Variants in DENND11 observed in about 807,000 individuals in gnomAD.
DENND11 encodes the protein DENN domain containing 11, also known as DENN domain-containing protein 11.
Under a neutral mutation model 49.2 loss-of-function variants are expected in DENND11, and 34 were observed. That is an observed-to-expected ratio of 0.69 (90% CI 0.53 to 0.92). DENND11 has a LOEUF of 0.92. Among genes scored for constraint, DENND11 ranks in the 40% least tolerant of loss-of-function variants. The pLI is 0.00. For synonymous variants in DENND11, 238 were observed against 230.3 expected, an observed-to-expected ratio of 1.03 and a Z score of -0.30; for missense variants, 475 against 581.6, an observed-to-expected ratio of 0.82 and a Z score of 1.88.
chr7:141,697,284 CCCT>C (rs1402464618), intron 1 of DENND11, among the ~76,000 whole-genome samples: 1 of 152,072 alleles, frequency 6.6e-6, no homozygotes, highest in Non-Finnish European at 1.5e-5. Flanking sequence ...TTTTATTTTC[CCCT>C]CCTCAATTTT....
At chr7:141,696,170 T>TC (rs1314289165) in intron 1 of DENND11, among the ~76,000 whole-genome samples, 2 of 152,180 alleles carry the variant, frequency 1.3e-5, no homozygotes, top group Non-Finnish European at 2.9e-5. Context: ...GCCTGACAGC[T>TC]CTGTGCACCA....
At chr7:141,696,335 C>T (rs1007204829) in intron 1 of DENND11, among the ~76,000 whole-genome samples, 1 of 152,198 alleles carries the variant, frequency 6.6e-6, no homozygotes, top group African/African-American at 2.4e-5. Context: ...TCACTATTTC[C>T]TAGGGAGATT....
rs1416680883 is a variant in DENND11 at position 141,674,153 on chromosome 7, G to A, written c.595C>T (p.Leu199Phe). The A allele has an allele frequency of 1.3e-6, 2 of 1,575,204 alleles. No individual in the cohort carries two copies. Among genetic ancestry groups the A allele is most frequent in the African/African-American group, 2.7e-5 (2 of 73,786 alleles). Residue 199 changes from leucine (L) to phenylalanine (F), a missense_variant, in exon 4 of 9, where the codon CTC becomes TTC. Physicochemically the swap from Leu to Phe is conservative, Grantham distance 22. Coordinates refer to ENST00000536163, the MANE Select transcript of DENND11 (RefSeq NM_001080392.2). ...AAFYEDKKGV[L>F]HAGPGRGSSL... is the part of the protein sequence containing the mutation. ...CTGCCTCTGCCGGGACCAGCATGGA[G>A]CACCCCCTTTTTGTCCTCATAGAAG...
At position 141,657,757 on chromosome 7, in the gene DENND11, C is replaced by T. The variant is rs781511672; in HGVS notation, c.*4899G>A. On this transcript the variant is annotated 3_prime_UTR_variant, in exon 9 of 9. Coordinates refer to ENST00000536163, the MANE Select transcript of DENND11 (RefSeq NM_001080392.2). ...AAAAAGAGGAAAGCAAGGCTTTTGT[C>T]TCCATCATCATTTCTTTATATAGCA... 5 of 152,562 alleles carry T rather than the reference C, an allele frequency of 3.3e-5. No homozygotes were observed. Among genetic ancestry groups the T allele is most frequent in the Non-Finnish European group, 5.9e-5 (4 of 68,028 alleles). 9.5% of individuals were successfully genotyped at this position (152,562 alleles called of 1,614,324 possible). A position where few individuals can be genotyped will look rare whatever the true frequency, so the allele number is the denominator to read the frequency against.
intron 4 of DENND11, 31 bp downstream of exon 4, chr7:141,674,036 T>C (rs1288323967): frequency 6.3e-7 from 1 of 1,594,282 alleles, no homozygotes; most frequent in Middle Eastern, 1.7e-4. Flanking sequence ...ACAGATCCAG[T>C]ATAGTGTAAG....
intron 2 of DENND11, among the ~76,000 whole-genome samples, chr7:141,685,898 C>T (rs1263879439): frequency 6.6e-6 from 1 of 152,200 alleles, no homozygotes; most frequent in Non-Finnish European, 1.5e-5. Flanking sequence ...CATCTCTTCT[C>T]TCCTGCACCA....
rs1383067168 is a variant in DENND11, at chr7:141,661,573, T to A, written c.*1083A>T. 1 of 152,190 alleles carries A rather than the reference T, an allele frequency of 6.6e-6. No homozygotes were observed. Among genetic ancestry groups the A allele is most frequent in the African/African-American group, 2.4e-5 (1 of 41,440 alleles). 9.4% of individuals were successfully genotyped at this position (152,190 alleles called of 1,614,324 possible). A position where few individuals can be genotyped will look rare whatever the true frequency, so the allele number is the denominator to read the frequency against. Reference sequence around the variant, plus strand: ...GAATGTCACCTCTGCTAAAGAGAAGTGTGTTTGTGAGGGGTCCAAAATGAT... The same window carrying A: ...GAATGTCACCTCTGCTAAAGAGAAGAGTGTTTGTGAGGGGTCCAAAATGAT... On this transcript the variant is annotated 3_prime_UTR_variant, in exon 9 of 9. Transcript: ENST00000536163.
At chr7:141,676,708 CA>C (rs1798064433) in intron 3 of DENND11, among the ~76,000 whole-genome samples, 1 of 152,074 alleles carries the variant, frequency 6.6e-6, no homozygotes, top group African/African-American at 2.4e-5. Flanking sequence ...CAAGAAAAAC[CA>C]AAAAGTACTG....
intron 3 of DENND11, among the ~76,000 whole-genome samples, chr7:141,676,042 G>T (rs1235049284): frequency 1.3e-5 from 2 of 152,204 alleles, no homozygotes; most frequent in Non-Finnish European, 2.9e-5. Context: ...GAAGATGGCA[G>T]ATTTCAGATA....
chr7:141,664,417 G>A (rs1797854128), intron 7 of DENND11, among the ~76,000 whole-genome samples, 177 bp from the exon 8 acceptor site: 3 of 152,096 alleles, frequency 2.0e-5, no homozygotes, highest in South Asian at 2.1e-4. Context: ...TTCTGCCCCT[G>A]GTAATCTTAG....
rs144852279 is a variant in DENND11 at position 141,685,579 on chromosome 7, C to G, written c.426G>C (p.Glu142Asp). The G allele has an allele frequency of 6.2e-7, 1 of 1,613,998 alleles. No homozygotes were observed. Among genetic ancestry groups the G allele is most frequent in the Non-Finnish European group, 8.5e-7 (1 of 1,179,900 alleles). Residue 142 changes from glutamate (E) to aspartate (D), a missense_variant, in exon 3 of 9, where the codon GAG (glutamate) becomes GAC (aspartate). Coordinates refer to ENST00000536163, the MANE Select transcript of DENND11 (RefSeq NM_001080392.2). ...TCCGCGCGCCACGTTCCAGCTCGCT[C>G]TCCACGGGCATGTTGGCAAAGCAGG... ...GLACFANMPV[E>D]SELERGARMK... is the part of the protein sequence containing the mutation.
chr7:141,698,305 A>G (rs1446772773), intron 1 of DENND11, among the ~76,000 whole-genome samples: 1 of 152,228 alleles, frequency 6.6e-6, no homozygotes, highest in East Asian at 1.9e-4. Context: ...TAGAAGCCCA[A>G]ATAATGAAGT....
At chr7:141,673,837 C>T (rs1798022188) in intron 4 of DENND11, among the ~76,000 whole-genome samples, 1 of 152,168 alleles carries the variant, frequency 6.6e-6, no homozygotes, top group Non-Finnish European at 1.5e-5. Context: ...TGGCCTATCA[C>T]ACACGCCTTT....
intron 1 of DENND11, among the ~76,000 whole-genome samples, chr7:141,687,267 G>A (rs1028332309): frequency 2.0e-5 from 3 of 152,044 alleles, no homozygotes; most frequent in African/African-American, 7.3e-5. Context: ...TTCTTCAAGG[G>A]ACAATGATAT....
At chr7:141,691,895 C>G (rs970172865) in intron 1 of DENND11, among the ~76,000 whole-genome samples, 2 of 151,746 alleles carry the variant, frequency 1.3e-5, no homozygotes, top group Admixed American at 6.6e-5. Flanking sequence ...TTGCACAGGA[C>G]AGAATGGGTA....
intron 4 of DENND11, among the ~76,000 whole-genome samples, chr7:141,668,907 C>T (rs558904457): frequency 6.6e-6 from 1 of 152,304 alleles, no homozygotes; most frequent in South Asian, 2.1e-4. Flanking sequence ...GTCTCCAGTG[C>T]GTACCTTCAT....
chr7:141,679,496 C>G (rs1475642101), intron 3 of DENND11, among the ~76,000 whole-genome samples: 3 of 151,896 alleles, frequency 2.0e-5, no homozygotes, highest in Non-Finnish European at 2.9e-5. Context: ...GTAGATCACC[C>G]AAGGTCGGGA....
rs780868684 is a variant in DENND11 at position 141,666,433 on chromosome 7, A to G, written c.682-8T>C. On this transcript the variant is annotated splice_polypyrimidine_tract_variant and splice_region_variant and intron_variant, in intron 4 of 8. Transcript: ENST00000536163. ...GCCAGCTGGGTGTGTGATCTGAAAA[A>G]ATTGAGGGGAATAGGGAGGAGAAAG... The G allele has an allele frequency of 6.3e-7, 1 of 1,594,086 alleles. No individual in the cohort carries two copies. Among genetic ancestry groups the G allele is most frequent in the Admixed American group, 1.7e-5 (1 of 59,390 alleles).
chr7:141,670,244 C>T (rs1392514808), intron 4 of DENND11, among the ~76,000 whole-genome samples: 1 of 152,118 alleles, frequency 6.6e-6, no homozygotes, highest in Non-Finnish European at 1.5e-5. Flanking sequence ...CTCATATACA[C>T]CCATCAATAC....
Sources: allele counts gnomAD v4.1 joint callset (sites outside exome capture counted in the v4.1 genomes callset), GRCh38; gene constraint gnomAD v4.1.1; transcripts MANE v1.5; gene names NCBI Gene and HGNC (gene_info 2026-07-23, HGNC 2026-07-21).